GPHN: variants seen among roughly 807,000 people sequenced by gnomAD.
GPHN encodes gephyrin.
A neutral mutation model predicts 95.5 loss-of-function variants in GPHN; 17 were observed. The observed-to-expected ratio is 0.18, with a 90% CI of 0.12 to 0.27. The LOEUF is 0.27. GPHN is among the 10% of genes least tolerant of loss of function. GPHN has a pLI of 1.00. For synonymous variants in GPHN, 320 were observed against 322.5 expected (o/e 0.99, Z 0.08); for missense variants, 660 against 978.1 (o/e 0.67, Z 4.34).
intron 10 of GPHN, among the ~76,000 whole-genome samples, chr14:67,045,523 CTG>C (rs2074966103): frequency 1.3e-5 from 2 of 151,446 alleles, no homozygotes; most frequent in African/African-American, 4.9e-5. Flanking sequence ...CTGTCTCTCT[CTG>C]TGTATTTGTC....
chr14:67,392,681 G>A, the GPHN span: 1 of 1,614,044 alleles, frequency 6.2e-7, no homozygotes, highest in Non-Finnish European at 8.5e-7. Flanking sequence ...CAGGGCTGTG[G>A]AGTCATCCAG....
the GPHN span, chr14:67,581,008 C>T: frequency 3.7e-6 from 6 of 1,612,772 alleles, no homozygotes; most frequent in South Asian, 6.6e-5. Flanking sequence ...GAGGGTGGGA[C>T]ACGCGTCGTG....
At chr14:67,143,138 A>G (rs1189880992) in intron 17 of GPHN, 1 of 480,140 alleles carries the variant, frequency 2.1e-6, no homozygotes, top group Admixed American at 3.3e-5. Context: ...AAGCCCTGTG[A>G]AATCGCCAGT....
At chr14:67,314,514 G>T in the GPHN span, among the ~76,000 whole-genome samples, 23,887 of 152,090 alleles carry the variant, frequency 0.16, 3,569 homozygotes, top group East Asian at 0.42. Context: ...GCTAAAACCC[G>T]TGATTCTTCA....
chr14:66,550,500 T>C (rs988906140), intron 1 of GPHN, among the ~76,000 whole-genome samples: 1 of 152,196 alleles, frequency 6.6e-6, no homozygotes, highest in Non-Finnish European at 1.5e-5. Context: ...ATAGACATTG[T>C]TGAAGTGACA....
chr14:66,764,725 T>C (rs1205303253), intron 2 of GPHN, among the ~76,000 whole-genome samples: 2 of 151,908 alleles, frequency 1.3e-5, no homozygotes, highest in African/African-American at 4.8e-5. Context: ...CTATATATCA[T>C]CAAGAAAAAT....
chr14:67,650,913 G>C, the GPHN span: 2 of 1,613,846 alleles, frequency 1.2e-6, no homozygotes, highest in Middle Eastern at 1.6e-4. Flanking sequence ...GCACGTGTGA[G>C]AATTTAGGAG....
At chr14:67,690,510 A>G in the GPHN span, 2 of 1,033,962 alleles carry the variant, frequency 1.9e-6, no homozygotes, top group Admixed American at 2.0e-5. Flanking sequence ...TGGGAGGCAG[A>G]TAATTCAGAA....
chr14:66,852,220 A>C (rs1268563927), intron 4 of GPHN, among the ~76,000 whole-genome samples: 1 of 152,244 alleles, frequency 6.6e-6, no homozygotes, highest in African/African-American at 2.4e-5. Flanking sequence ...AATCTGAAGG[A>C]AACTTGGCAA....
chr14:67,289,260 C>T, the GPHN span, among the ~76,000 whole-genome samples: 11 of 151,878 alleles, frequency 7.2e-5, no homozygotes, highest in Admixed American at 2.0e-4. Flanking sequence ...GAGCCACCAT[C>T]GCACGTGGCT....
intron 1 of GPHN, among the ~76,000 whole-genome samples, chr14:66,513,985 AAAAT>A (rs1272320302): frequency 3.3e-5 from 5 of 151,952 alleles, no homozygotes; most frequent in Non-Finnish European, 5.9e-5. Flanking sequence ...CTTAATTTGA[AAAAT>A]AAAGCAGCAA....
chr14:66,936,210 C>T (rs2067126446), intron 8 of GPHN, among the ~76,000 whole-genome samples: 1 of 152,042 alleles, frequency 6.6e-6, no homozygotes. Context: ...GAAATCTCGT[C>T]TCTACTAAAA....
chr14:67,286,823 C>CTCCA, the GPHN span, among the ~76,000 whole-genome samples: 1 of 143,526 alleles, frequency 7.0e-6, no homozygotes, highest in South Asian at 2.2e-4. Flanking sequence ...CGCCACTGCA[C>CTCCA]TCCAGCGTGG....
rs537439986 is a variant in GPHN at position 66,644,439 on chromosome 14, C to T, written c.65-36668C>T. On this transcript the variant is annotated intron_variant, in intron 1 of 22. Coordinates refer to ENST00000478722, the MANE Select transcript of GPHN (RefSeq NM_020806.5). ...GATAAACCTTTATCTATGCCACCCA[C>T]TACCAAAGATGTTTCACTTTTCCTT... 4.6e-5 allele frequency among the ~76,000 whole-genome samples: 7 copies of T among 152,178 alleles called. No individual in the cohort carries two copies. In the South Asian group the frequency reaches 1.2e-3, roughly 27 times the overall value.
chr14:67,099,560 A>G (rs935681275), intron 12 of GPHN, among the ~76,000 whole-genome samples: 1 of 150,892 alleles, frequency 6.6e-6, no homozygotes, highest in African/African-American at 2.5e-5. Context: ...AAAAAAAAAC[A>G]CAAGAAAGGC....
the GPHN span, among the ~76,000 whole-genome samples, chr14:67,445,759 AT>A: frequency 6.7e-6 from 1 of 150,192 alleles, no homozygotes; most frequent in Admixed American, 6.7e-5. Flanking sequence ...TAATTTTTGT[AT>A]TTTTTTTGTA....
intron 1 of GPHN, among the ~76,000 whole-genome samples, chr14:66,568,824 A>G (rs2060560959): frequency 6.6e-6 from 1 of 151,984 alleles, no homozygotes; most frequent in Non-Finnish European, 1.5e-5. Context: ...ATAATAAATA[A>G]TATATTGAAT....
At chr14:67,283,190 G>A in the GPHN span, among the ~76,000 whole-genome samples, 1 of 151,966 alleles carries the variant, frequency 6.6e-6, no homozygotes, top group Non-Finnish European at 1.5e-5. Context: ...AAGAAAACCG[G>A]GATGAATAAA....
At chr14:67,101,584 A>T (rs1440513499) in intron 13 of GPHN, among the ~76,000 whole-genome samples, 1 of 151,450 alleles carries the variant, frequency 6.6e-6, no homozygotes, top group East Asian at 1.9e-4. Flanking sequence ...AATTTCTATC[A>T]GGTCTTTCTT....
Sources: allele counts gnomAD v4.1 joint callset (sites outside exome capture counted in the v4.1 genomes callset), GRCh38; gene constraint gnomAD v4.1.1; transcripts MANE v1.5; gene names NCBI Gene and HGNC (gene_info 2026-07-23, HGNC 2026-07-21).